The following NCR2 variants were observed in gnomAD, a reference collection of about 807,000 sequenced individuals.
NCR2 encodes natural cytotoxicity triggering receptor 2, also known as NK cell activating receptor (NKp44).
A neutral mutation model predicts 30.7 loss-of-function variants in NCR2; 35 were observed. The ratio of observed to expected loss-of-function variants is 1.14; its 90% CI spans 0.87 to 1.51. The LOEUF (loss-of-function observed/expected upper bound fraction) is 1.51, where lower values mean the gene tolerates loss of function less well. NCR2 is among the 40% of genes most tolerant of loss of function. NCR2 has a pLI of 0.00. For synonymous variants in NCR2, 146 were observed against 134.8 expected, an observed-to-expected ratio of 1.08 and a Z score of -0.58; for missense variants, 316 against 328.9, an observed-to-expected ratio of 0.96 and a Z score of 0.30.
chr6:41,336,486 C>T, intron 2 of NCR2, 58 bp downstream of exon 2: 1 of 1,442,372 alleles, frequency 6.9e-7, no homozygotes, highest in Non-Finnish European at 9.6e-7. Context: ...TTGGTGCCTC[C>T]ATCACCCCTG....
intron 2 of NCR2, among the ~76,000 whole-genome samples, chr6:41,339,413 TCTCA>T (rs773213556): frequency 4.0e-5 from 6 of 148,712 alleles, no homozygotes; most frequent in South Asian, 2.1e-4. Flanking sequence ...TGAGACAGAG[TCTCA>T]CTCAGTCACC....
At chr6:41,350,016 C>T (rs1769391481) in intron 4 of NCR2, among the ~76,000 whole-genome samples, 1 of 152,196 alleles carries the variant, frequency 6.6e-6, no homozygotes, top group South Asian at 2.1e-4. Flanking sequence ...TACAACCCAG[C>T]TCATGAGGGA....
At position 41,350,772 on chromosome 6, in the gene NCR2, A is replaced by G; in HGVS notation, c.739A>G (p.Thr247Ala). 6.4e-7 allele frequency: 1 copy of G among 1,571,000 alleles called. No homozygotes were observed. The highest frequency in any genetic ancestry group is 8.8e-7 in the Non-Finnish European group (1 of 1,140,716). Residue 247 changes from threonine to alanine, a missense_variant, in exon 5 of 5, where the codon ACC (threonine) becomes GCC (alanine). Physicochemically the swap from Thr to Ala is moderately conservative, Grantham distance 58. Coordinates refer to ENST00000373089, the MANE Select transcript of NCR2 (RefSeq NM_004828.4). The part of the protein sequence containing the change: ...HLQQVTDLPW[T>A]SVSSPVEREI... ...TCAACAGGTCACGGACCTTCCCTGG[A>G]CCTCAGTTTCCTCACCTGTAGAGAG...
intron 4 of NCR2, among the ~76,000 whole-genome samples, chr6:41,350,024 G>A (rs757653646): frequency 1.3e-5 from 2 of 152,110 alleles, no homozygotes; most frequent in African/African-American, 2.4e-5. Flanking sequence ...AGCTCATGAG[G>A]GACATTTTCT....
chr6:41,349,191 TA>T (rs1769375730), intron 4 of NCR2, among the ~76,000 whole-genome samples: 1 of 147,920 alleles, frequency 6.8e-6, no homozygotes, highest in African/African-American at 2.4e-5. Flanking sequence ...ATTATGCATA[TA>T]TTATCATGTA....
Position 41,342,132 on chromosome 6 carries a change from A to G in NCR2, c.627A>G (p.Ser209=). Residue 209 remains serine, a synonymous_variant, in exon 4 of 5, where the codon TCA becomes TCG. Transcript: ENST00000373089. ...GLLVAKSLVL[S]ALLVWWGDIW... ...TCGTAGCCAAGAGCCTGGTGCTGTC[A>G]GCCCTGCTCGTCTGGTGGTGAGTGT... 6.2e-7 allele frequency: 1 copy of G among 1,613,218 alleles called. No homozygotes were observed. The highest frequency in any genetic ancestry group is 2.2e-5 in the East Asian group (1 of 44,868).
In NCR2 at chr6:41,342,060, T is replaced by C; in HGVS notation, c.555T>C (p.Pro185=). ...GGCCACAGAACTCCACGCTCCGCCC[T>C]GGCCCTGCAGCCCCCATTGCCCTGG... is the stretch of plus-strand genomic sequence containing the variant. ...PSQPQNSTLR[P]GPAAPIALVP... is the part of the protein sequence containing the mutation. The change falls in exon 4 of 5, where the codon CCT becomes CCC. Residue 185 remains proline, a synonymous_variant. Coordinates refer to ENST00000373089, the MANE Select transcript of NCR2 (RefSeq NM_004828.4). The C allele has an allele frequency of 6.2e-7, 1 of 1,613,914 alleles. No homozygotes were observed. The highest frequency in any genetic ancestry group is 1.3e-5 in the African/African-American group (1 of 75,040).
chr6:41,342,259 C>A (rs1047409873), intron 4 of NCR2, 110 bp downstream of exon 4: 9 of 1,418,526 alleles, frequency 6.3e-6, no homozygotes, highest in South Asian at 2.6e-5. Context: ...AAATTATAAT[C>A]GGCAGAGCTC....
chr6:41,336,568 G>A (rs1335063184), intron 2 of NCR2, 140 bp downstream of exon 2: 2 of 672,950 alleles, frequency 3.0e-6, no homozygotes, highest in Non-Finnish European at 5.0e-6. Flanking sequence ...ACAGGTGCAG[G>A]GGGAACTCAT....
chr6:41,346,272 T>C lies in NCR2; in HGVS notation c.644+4123T>C, dbSNP rs537615753. On this transcript the variant is annotated intron_variant, in intron 4 of 4. Transcript: ENST00000373089. ...GGCATCACAGTTCCTTGGCCTCCTA[T>C]CCCCAGTGGTCTCGTCCTCTTCCCT... Among the ~76,000 whole-genome samples the C allele has an allele frequency of 3.0e-3, 457 of 152,216 alleles. 2 individuals are homozygous for C. The highest frequency in any genetic ancestry group is 4.9e-3 in the Non-Finnish European group (330 of 68,012).
chr6:41,350,828 T>C lies in NCR2; in HGVS notation c.795T>C (p.Thr265=). ...TATTATATCACACTGTTGCAAGGAC[T>C]AAGATAAGCGATGATGATGATGAAC... The part of the protein sequence containing the change: ...REILYHTVAR[T]KISDDDDEHT... The change falls in exon 5 of 5, where the codon ACT becomes ACC. Residue 265 remains threonine, a synonymous_variant. Transcript: ENST00000373089. 1 of 995,166 alleles carries C rather than the reference T, an allele frequency of 1.0e-6. No individual in the cohort carries two copies. Among genetic ancestry groups the C allele is most frequent in the Non-Finnish European group, 1.6e-6 (1 of 617,168 alleles). 61.6% of individuals were successfully genotyped at this position (995,166 alleles called of 1,614,324 possible).
intron 4 of NCR2, chr6:41,343,143 C>T: frequency 4.8e-6 from 4 of 828,606 alleles, no homozygotes; most frequent in Non-Finnish European, 7.6e-6. Context: ...GCCACGCTCT[C>T]CCTGCAGAGC....
chr6:41,336,253 G>T lies in NCR2; in HGVS notation c.219G>T (p.Arg73Ser). 1 of 1,614,174 alleles carries T rather than the reference G, an allele frequency of 6.2e-7. No individual in the cohort carries two copies. Among genetic ancestry groups the T allele is most frequent in the Non-Finnish European group, 8.5e-7 (1 of 1,180,036 alleles). The change falls in exon 2 of 5, where the codon AGG becomes AGT. Residue 73 changes from arginine (R) to serine (S), a missense_variant. By Grantham distance (110) the Arg-to-Ser change is moderately radical (BLOSUM62 -1). Transcript: ENST00000373089. ...CIRLVTSSKP[R>S]TMAWTSRFTI... The stretch of plus-strand genomic sequence containing the variant: ...GGTTAGTCACCAGCTCCAAGCCCAG[G>T]ACGATGGCTTGGACCTCTCGATTCA...
chr6:41,335,982 T>C, intron 1 of NCR2, 54 bp downstream of exon 1: 2 of 1,581,030 alleles, frequency 1.3e-6, no homozygotes, highest in Non-Finnish European at 1.7e-6. Flanking sequence ...GTGGGGACTG[T>C]CAGGACAGCA....
At chr6:41,343,227 C>G (rs1355537947) in intron 4 of NCR2, among the ~76,000 whole-genome samples, 1 of 152,256 alleles carries the variant, frequency 6.6e-6, no homozygotes, top group Non-Finnish European at 1.5e-5. Flanking sequence ...GGAGCAAAGC[C>G]CAGCGCCTGC....
intron 4 of NCR2, among the ~76,000 whole-genome samples, chr6:41,345,197 G>GTGA (rs750757539): frequency 6.6e-6 from 1 of 152,152 alleles, no homozygotes; most frequent in Non-Finnish European, 1.5e-5. Context: ...GAATCTAGGA[G>GTGA]TCTAAGTGAT....
chr6:41,337,898 A>T (rs1188985159), intron 2 of NCR2, among the ~76,000 whole-genome samples: 1 of 152,234 alleles, frequency 6.6e-6, no homozygotes, highest in Non-Finnish European at 1.5e-5. Context: ...CTCTGCATAT[A>T]TCTTCTTCTG....
chr6:41,341,891 A>G lies in NCR2; in HGVS notation c.492A>G (p.Gln164=). Residue 164 remains glutamine, a synonymous_variant, in exon 3 of 5, where the codon CAA becomes CAG. Coordinates refer to ENST00000373089, the MANE Select transcript of NCR2 (RefSeq NM_004828.4). ...TGCCTCCCACTGCAGGAGCCAGACA[A>G]GCCCCTGAGTCTCCATCTACCATCC... ...SCVPPTAGAR[Q]APESPSTIPV... 5 of 1,614,064 alleles carry G rather than the reference A, an allele frequency of 3.1e-6. No homozygotes were observed. Among genetic ancestry groups the G allele is most frequent in the Non-Finnish European group, 4.2e-6 (5 of 1,179,998 alleles).
chr6:41,344,701 A>G (rs1301004937), intron 4 of NCR2, among the ~76,000 whole-genome samples: 1 of 152,348 alleles, frequency 6.6e-6, no homozygotes, highest in Admixed American at 6.5e-5. Context: ...GAAGCTTTCC[A>G]TATTTTCTAT....
Sources: allele counts gnomAD v4.1 joint callset (sites outside exome capture counted in the v4.1 genomes callset), GRCh38; gene constraint gnomAD v4.1.1; transcripts MANE v1.5; gene names NCBI Gene and HGNC (gene_info 2026-07-23, HGNC 2026-07-21).